The following APMAP variants were observed in gnomAD, a reference collection of about 807,000 sequenced individuals.
APMAP encodes adipocyte plasma membrane-associated protein.
APMAP carries 33 observed loss-of-function variants against 43.6 expected under a neutral mutation model. The ratio of observed to expected loss-of-function variants is 0.76; its 90% CI spans 0.57 to 1.01. The LOEUF (loss-of-function observed/expected upper bound fraction) is 1.01, where lower values mean the gene tolerates loss of function less well. APMAP is among the 50% of genes least tolerant of loss of function. APMAP has a pLI of 0.00. For missense variants in APMAP, 498 were observed against 540.7 expected (o/e 0.92, Z 0.78); for synonymous variants, 224 against 216.7 (o/e 1.03, Z -0.30).
chr20:24,965,573 A>T (rs762975496), intron 8 of APMAP, among the ~76,000 whole-genome samples: 4 of 152,172 alleles, frequency 2.6e-5, no homozygotes, highest in Admixed American at 6.6e-5. Flanking sequence ...CGGGGTGAGG[A>T]GGTGTCCCCA....
Position 24,977,904 on chromosome 20 carries a change from A to C in APMAP, c.328+863T>G, listed in dbSNP as rs141129530. On this transcript the variant is annotated intron_variant, in intron 3 of 8. Transcript: ENST00000217456. ...TTTTGACTTTGACAGCCAAGAAAAC[A>C]AACCAACTGCAGAAATGGACCAGTC... 3.8e-3 allele frequency among the ~76,000 whole-genome samples: 585 copies of C among 152,226 alleles called. 1 individual carries two copies. The highest frequency in any genetic ancestry group is 0.013 in the African/African-American group (554 of 41,456).
At chr20:24,964,069 C>T in intron 8 of APMAP, 47 bp from the exon 9 acceptor site, 1 of 1,588,652 alleles carries the variant, frequency 6.3e-7, no homozygotes, top group South Asian at 1.1e-5. Flanking sequence ...TGGCCAAGAA[C>T]ACTGTGCGCA....
At chr20:24,964,144 A>C in intron 8 of APMAP, 122 bp from the exon 9 acceptor site, 2 of 1,044,970 alleles carry the variant, frequency 1.9e-6, no homozygotes, top group Non-Finnish European at 2.8e-6. Context: ...GGGCAGCCCC[A>C]CAGGGCAGTG....
rs1468123639 is a variant in APMAP at position 24,992,734 on chromosome 20, G to A, written c.-46C>T. 5.7e-6 allele frequency: 8 copies of A among 1,403,016 alleles called. No homozygotes were observed. Among genetic ancestry groups the A allele is most frequent in the African/African-American group, 1.5e-5 (1 of 68,358 alleles). The allele number at this position is 1,403,016 out of a possible 1,614,324, so 86.9% of individuals were successfully genotyped here. On this transcript the variant is annotated 5_prime_UTR_variant, in exon 1 of 9. Coordinates refer to ENST00000217456, the MANE Select transcript of APMAP (RefSeq NM_020531.3). Reference sequence around the variant, plus strand: ...CCGCAGAAACCACCTCACACTGAGCGGCGCCGGCTCAGACTCCAGGCCCGC... The same window carrying A: ...CCGCAGAAACCACCTCACACTGAGCAGCGCCGGCTCAGACTCCAGGCCCGC...
intron 3 of APMAP, among the ~76,000 whole-genome samples, chr20:24,975,876 T>A (rs1430765870): frequency 1.3e-5 from 2 of 152,280 alleles, no homozygotes; most frequent in East Asian, 3.9e-4. Context: ...CAGACCCACA[T>A]AAATACAATC....
chr20:24,982,629 C>G (rs1451822300), intron 2 of APMAP, among the ~76,000 whole-genome samples: 2 of 152,230 alleles, frequency 1.3e-5, no homozygotes, highest in African/African-American at 4.8e-5. Flanking sequence ...CAACTCAAAA[C>G]TCAACCTCAG....
At chr20:24,965,946 C>T (rs1199854935) in intron 8 of APMAP, among the ~76,000 whole-genome samples, 2 of 152,150 alleles carry the variant, frequency 1.3e-5, no homozygotes, top group Non-Finnish European at 2.9e-5. Flanking sequence ...CAGATGCAGG[C>T]ATAAGCGTGA....
In APMAP at chr20:24,971,659, C is replaced by T; in HGVS notation, c.422-83G>A. On this transcript the variant is annotated intron_variant, in intron 4 of 8. Transcript: ENST00000217456. ...CTCAGTATCCAAGCATCTCATCCAT[C>T]CCTTCCCATACATCATGCTGTACAG... The T allele has an allele frequency of 2.7e-6, 3 of 1,101,012 alleles. 1 individual carries two copies. In the South Asian group the frequency reaches 3.8e-5, roughly 14 times the overall value. 68.2% of individuals were successfully genotyped at this position (1,101,012 alleles called of 1,614,324 possible). A position where few individuals can be genotyped will look rare whatever the true frequency, so the allele number is the denominator to read the frequency against.
Position 24,978,842 on chromosome 20 carries a change from T to C in APMAP, c.253A>G (p.Asn85Asp), listed in dbSNP as rs151079082. The change falls in exon 3 of 9, where the codon AAT becomes GAT. Residue 85 changes from asparagine (N) to aspartate (D), a missense_variant. By Grantham distance (23) the Asn-to-Asp change is conservative. Coordinates refer to ENST00000217456, the MANE Select transcript of APMAP (RefSeq NM_020531.3). ...CTTTCTGCCTGTCGCAGCTTCGTAT[T>C]TGGATGCAGAACACCAAGCAAGAGC... The part of the protein sequence containing the change: ...PPLLLGVLHP[N>D]TKLRQAERLF... The C allele has an allele frequency of 3.2e-5, 51 of 1,613,298 alleles. No homozygotes were observed. In the African/African-American group the frequency reaches 6.0e-4, roughly 19 times the overall value.
chr20:24,963,798 A>C lies in APMAP; in HGVS notation c.*15T>G. ...GACTCCTGGCCTGCGTGGCAGGGGCAGCTATCTGGGAGGGCTAAACAGCCT... is the reference window on the plus strand; with the variant it reads ...GACTCCTGGCCTGCGTGGCAGGGGCCGCTATCTGGGAGGGCTAAACAGCCT... On this transcript the variant is annotated 3_prime_UTR_variant, in exon 9 of 9. Transcript: ENST00000217456. 6.2e-7 allele frequency: 1 copy of C among 1,612,870 alleles called. No homozygotes were observed. The highest frequency in any genetic ancestry group is 8.5e-7 in the Non-Finnish European group (1 of 1,179,028).
chr20:24,964,176 G>C (rs910412919), intron 8 of APMAP, among the ~76,000 whole-genome samples, 154 bp from the exon 9 acceptor site: 1 of 152,160 alleles, frequency 6.6e-6, no homozygotes, highest in African/African-American at 2.4e-5. Context: ...AGCTAATCCA[G>C]CTCCCACTCC....
chr20:24,973,260 A>G (rs1166761077), intron 4 of APMAP, among the ~76,000 whole-genome samples: 1 of 152,252 alleles, frequency 6.6e-6, no homozygotes, highest in African/African-American at 2.4e-5. Flanking sequence ...ACCAAGGCAG[A>G]ATAACACTTA....
chr20:24,983,811 G>A, intron 2 of APMAP, 92 bp downstream of exon 2: 1 of 880,898 alleles, frequency 1.1e-6, no homozygotes, highest in Non-Finnish European at 1.7e-6. Context: ...TTTCAGATCA[G>A]ATTGATTTAA....
chr20:24,982,781 T>C (rs2088115774), intron 2 of APMAP, among the ~76,000 whole-genome samples: 1 of 152,100 alleles, frequency 6.6e-6, no homozygotes, highest in South Asian at 2.1e-4. Context: ...CATCCTGCTC[T>C]GTAAAGAAGG....
chr20:24,982,164 T>G (rs933064845), intron 2 of APMAP, among the ~76,000 whole-genome samples: 1 of 152,028 alleles, frequency 6.6e-6, no homozygotes, highest in Non-Finnish European at 1.5e-5. Context: ...ATGGTTCCAC[T>G]GCCATTCTGA....
At chr20:24,964,558 T>C (rs1281795535) in intron 8 of APMAP, among the ~76,000 whole-genome samples, 1 of 152,114 alleles carries the variant, frequency 6.6e-6, no homozygotes, top group Admixed American at 6.5e-5. Flanking sequence ...ACTGCTTTCC[T>C]CAAAGCGGGG....
chr20:24,992,151 G>A (rs1290569728), intron 1 of APMAP, among the ~76,000 whole-genome samples: 1 of 152,226 alleles, frequency 6.6e-6, no homozygotes, highest in Non-Finnish European at 1.5e-5. Context: ...CTCCCTTCGG[G>A]AAATTGCGAG....
chr20:24,973,628 G>T lies in APMAP; in HGVS notation c.421+17C>A, dbSNP rs1222430982. 4 of 1,606,376 alleles carry T rather than the reference G, an allele frequency of 2.5e-6. No individual in the cohort carries two copies. The highest frequency in any genetic ancestry group is 2.6e-6 in the Non-Finnish European group (3 of 1,173,338). ...AAAGACTGGAAGAGACACATCGAGGGATTATCACCAACTTACTGCAAGGGC... is the reference window on the plus strand; with the variant it reads ...AAAGACTGGAAGAGACACATCGAGGTATTATCACCAACTTACTGCAAGGGC... On this transcript the variant is annotated intron_variant, in intron 4 of 8. Coordinates refer to ENST00000217456, the MANE Select transcript of APMAP (RefSeq NM_020531.3).
intron 3 of APMAP, among the ~76,000 whole-genome samples, chr20:24,976,237 G>A (rs1350313906): frequency 6.6e-6 from 1 of 152,240 alleles, no homozygotes; most frequent in East Asian, 1.9e-4. Flanking sequence ...CTCTACAGAA[G>A]ATACTGTCAA....
Sources: allele counts gnomAD v4.1 joint callset (sites outside exome capture counted in the v4.1 genomes callset), GRCh38; gene constraint gnomAD v4.1.1; transcripts MANE v1.5; gene names NCBI Gene and HGNC (gene_info 2026-07-23, HGNC 2026-07-21).